SHCBP1: variants seen among roughly 807,000 people sequenced by gnomAD.
SHCBP1 encodes the protein SHC binding and spindle associated 1, also known as SHC SH2 domain-binding protein 1.
SHCBP1 carries 60 observed loss-of-function variants against 75.1 expected under a neutral mutation model. The ratio of observed to expected loss-of-function variants is 0.80; its 90% CI spans 0.65 to 0.99. SHCBP1 has a LOEUF of 0.99. SHCBP1 is among the 50% of genes least tolerant of loss of function. The probability of loss-of-function intolerance (pLI) is 0.00; values close to 1 mark genes in which losing one functional copy is unlikely to be tolerated. For synonymous variants in SHCBP1, 290 were observed against 293.2 expected, an observed-to-expected ratio of 0.99 and a Z score of 0.11; for missense variants, 709 against 809.4, an observed-to-expected ratio of 0.88 and a Z score of 1.50.
At chr16:46,620,858 G>C (rs184272360) in intron 1 of SHCBP1, 2 of 167,406 alleles carry the variant, frequency 1.2e-5, no homozygotes, top group Admixed American at 6.3e-5. Context: ...AAGGGTTCAA[G>C]CTTTTCTCTT....
At chr16:46,598,723 C>T (rs760674725) in intron 9 of SHCBP1, among the ~76,000 whole-genome samples, 1 of 152,200 alleles carries the variant, frequency 6.6e-6, no homozygotes, top group Non-Finnish European at 1.5e-5. Context: ...GCACTGACTT[C>T]TCCTCTCTAA....
intron 4 of SHCBP1, among the ~76,000 whole-genome samples, chr16:46,613,392 G>A (rs1036532739): frequency 2.6e-5 from 4 of 152,162 alleles, no homozygotes; most frequent in African/African-American, 9.7e-5. Context: ...ATCCTTCAGT[G>A]GCTTCCCACT....
intron 2 of SHCBP1, 98 bp from the exon 3 acceptor site, chr16:46,617,847 T>A: frequency 1.1e-6 from 1 of 919,266 alleles, no homozygotes. Context: ...TCTGAGGGAC[T>A]GAAATAGATA....
intron 4 of SHCBP1, among the ~76,000 whole-genome samples, chr16:46,608,804 T>C (rs1965363725): frequency 6.6e-6 from 1 of 152,112 alleles, no homozygotes; most frequent in African/African-American, 2.4e-5. Flanking sequence ...ATTCACCATG[T>C]TGGCCAGGCT....
Position 46,593,883 on chromosome 16 carries a change from G to A in SHCBP1, c.1464+1669C>T, listed in dbSNP as rs537770639. On this transcript the variant is annotated intron_variant, in intron 10 of 12. Coordinates refer to ENST00000303383, the MANE Select transcript of SHCBP1 (RefSeq NM_024745.5). ...CAAAATCTCAGCATGATCTTTCGTG[G>A]ATATAGACAAAATTATTTTAACATT... Among the ~76,000 whole-genome samples the A allele has an allele frequency of 1.1e-3, 172 of 152,260 alleles. 1 individual carries two copies. The highest frequency in any genetic ancestry group is 4.0e-3 in the African/African-American group (166 of 41,554).
rs763257855 is a variant in SHCBP1 at position 46,616,028 on chromosome 16, G to A, written c.514C>T (p.Arg172Trp). 1.3e-5 allele frequency: 21 copies of A among 1,614,168 alleles called. No homozygotes were observed. Among genetic ancestry groups the A allele is most frequent in the Middle Eastern group, 1.6e-4 (1 of 6,062 alleles). Residue 172 changes from arginine (R) to tryptophan (W), a missense_variant, in exon 4 of 13, where the codon CGG (arginine) becomes TGG (tryptophan). Coordinates refer to ENST00000303383, the MANE Select transcript of SHCBP1 (RefSeq NM_024745.5). This position sits in a 1 kb window ranked among gnomAD's most constrained non-coding sequence, Gnocchi z 4.4. ...MKELLDLKEH[R>W]LPLQELWVVF... The stretch of plus-strand genomic sequence containing the variant: ...ACCCACAGCTCCTGCAGGGGCAACC[G>A]ATGCTCCTTCAGATCAAGGAGCTCC...
At chr16:46,599,322 A>C (rs184191340) in intron 9 of SHCBP1, among the ~76,000 whole-genome samples, 14 of 152,284 alleles carry the variant, frequency 9.2e-5, no homozygotes, top group Non-Finnish European at 1.9e-4. Flanking sequence ...TCACTTGAAC[A>C]CATAGATGCC....
In SHCBP1 at chr16:46,598,578, G is replaced by A. The variant is rs562715335; in HGVS notation, c.1345+1253C>T. On this transcript the variant is annotated intron_variant, in intron 9 of 12. Transcript: ENST00000303383. ...TTGTTCCATTTCTAGGGCACAGGCA[G>A]AGTAGATCTGGCATAATTCTTAAGG... Among the ~76,000 whole-genome samples, 5 of 152,288 alleles carry A rather than the reference G, an allele frequency of 3.3e-5. No homozygotes were observed. In the East Asian group the frequency reaches 9.6e-4, roughly 29 times the overall value.
Position 46,603,672 on chromosome 16 carries a change from A to T in SHCBP1, c.1093-13T>A, listed in dbSNP as rs1384245502. 3.7e-6 allele frequency: 6 copies of T among 1,614,096 alleles called. No homozygotes were observed. In the Admixed American group the frequency reaches 1.0e-4, roughly 27 times the overall value. On this transcript the variant is annotated splice_polypyrimidine_tract_variant and intron_variant, in intron 7 of 12. Transcript: ENST00000303383. ...GATCACTATGGAACTAGAAAACAAT[A>T]AGAACACATTTGTAAATATACACTC...
Position 46,580,026 on chromosome 16 carries a change from G to C in SHCBP1, c.*1703C>G, listed in dbSNP as rs1345357013. Reference sequence around the variant, plus strand: ...TATAATCCCAGCTACTCAGGCGACTGAGGCAGGAGAATTGCTTGAATTCAG... The same window carrying C: ...TATAATCCCAGCTACTCAGGCGACTCAGGCAGGAGAATTGCTTGAATTCAG... On this transcript the variant is annotated 3_prime_UTR_variant, in exon 13 of 13. Coordinates refer to ENST00000303383, the MANE Select transcript of SHCBP1 (RefSeq NM_024745.5). Among the ~76,000 whole-genome samples, 2 of 151,698 alleles carry C rather than the reference G, an allele frequency of 1.3e-5. No homozygotes were observed. Among genetic ancestry groups the C allele is most frequent in the Non-Finnish European group, 2.9e-5 (2 of 67,956 alleles).
At chr16:46,603,077 A>T in intron 8 of SHCBP1, among the ~76,000 whole-genome samples, 1 of 152,248 alleles carries the variant, frequency 6.6e-6, no homozygotes, top group Non-Finnish European at 1.5e-5. Flanking sequence ...AATGCCCTTC[A>T]TTATACCTCT....
intron 5 of SHCBP1, 89 bp downstream of exon 5, chr16:46,608,208 T>C (rs748522652): frequency 4.8e-5 from 36 of 757,060 alleles, no homozygotes; most frequent in Non-Finnish European, 7.4e-5. Flanking sequence ...TGTGGGTGTG[T>C]GTGTGTGTGT....
rs1323562930 is a variant in SHCBP1, at chr16:46,616,626, C to T, written c.388-472G>A. On this transcript the variant is annotated intron_variant, in intron 3 of 12. Coordinates refer to ENST00000303383, the MANE Select transcript of SHCBP1 (RefSeq NM_024745.5). This position sits in a 1 kb window ranked among gnomAD's most constrained non-coding sequence, Gnocchi z 4.4. ...CAAGATATGAGGTGAGAAAGAGAGG[C>T]AACGAGACCAGGACATGAAGGACAT... 6.6e-6 allele frequency among the ~76,000 whole-genome samples: 1 copy of T among 151,968 alleles called. No homozygotes were observed. Among genetic ancestry groups the T allele is most frequent in the Non-Finnish European group, 1.5e-5 (1 of 68,010 alleles).
At position 46,616,107 on chromosome 16, in the gene SHCBP1, A is replaced by G; in HGVS notation, c.435T>C (p.Ala145=). Residue 145 remains alanine, a synonymous_variant, in exon 4 of 13, where the codon GCT becomes GCC. Coordinates refer to ENST00000303383, the MANE Select transcript of SHCBP1 (RefSeq NM_024745.5). The surrounding 1 kb of genome is among the most constrained non-coding windows in gnomAD (Gnocchi z 4.4). ...FAALKAVVRL[A]EPYLCDSQVS... Reference sequence around the variant, plus strand: ...CTTGAGAGTCACAGAGGTATGGTTCAGCAAGCCTCACCACTGCCTTCAAGG... The same window carrying G: ...CTTGAGAGTCACAGAGGTATGGTTCGGCAAGCCTCACCACTGCCTTCAAGG... The G allele has an allele frequency of 6.2e-7, 1 of 1,614,226 alleles. No individual in the cohort carries two copies. Among genetic ancestry groups the G allele is most frequent in the African/African-American group, 1.3e-5 (1 of 75,076 alleles).
chr16:46,580,736 G>C lies in SHCBP1; in HGVS notation c.*993C>G, dbSNP rs1964857117. On this transcript the variant is annotated 3_prime_UTR_variant, in exon 13 of 13. Coordinates refer to ENST00000303383, the MANE Select transcript of SHCBP1 (RefSeq NM_024745.5). ...TATAATCAGAATACTGTAACGGTAA[G>C]AGAAAAATACTTTTTTTTTTTTTTG... 6.6e-6 allele frequency: 1 copy of C among 151,476 alleles called. No individual in the cohort carries two copies. The highest frequency in any genetic ancestry group is 2.4e-5 in the African/African-American group (1 of 41,056). The allele number at this position is 151,476 out of a possible 1,614,324, so 9.4% of individuals were successfully genotyped here. A position where few individuals can be genotyped will look rare whatever the true frequency, so the allele number is the denominator to read the frequency against.
rs1241019191 is a variant in SHCBP1, at chr16:46,616,280, T to C, written c.388-126A>G. On this transcript the variant is annotated intron_variant, in intron 3 of 12. Transcript: ENST00000303383. This position sits in a 1 kb window ranked among gnomAD's most constrained non-coding sequence, Gnocchi z 4.4. ...GGGTGGGGAGGCTTTACCCATAATATAAAGGATGAACAAGACAGGCTGCCT... is the reference window on the plus strand; with the variant it reads ...GGGTGGGGAGGCTTTACCCATAATACAAAGGATGAACAAGACAGGCTGCCT... 1.1e-6 allele frequency: 1 copy of C among 892,336 alleles called. No homozygotes were observed. 55.3% of individuals were successfully genotyped at this position (892,336 alleles called of 1,614,324 possible).
intron 9 of SHCBP1, among the ~76,000 whole-genome samples, chr16:46,595,909 T>A (rs923368628): frequency 6.6e-6 from 1 of 152,072 alleles, no homozygotes; most frequent in African/African-American, 2.4e-5. Flanking sequence ...CAAAAGCACT[T>A]TCCATTACCA....
At chr16:46,596,097 A>G (rs984529650) in intron 9 of SHCBP1, among the ~76,000 whole-genome samples, 3 of 152,228 alleles carry the variant, frequency 2.0e-5, no homozygotes, top group African/African-American at 7.2e-5. Context: ...AAGTTTTAAA[A>G]GAAAAAAATC....
chr16:46,589,585 GA>G (rs1414522411), intron 10 of SHCBP1, among the ~76,000 whole-genome samples: 1 of 152,122 alleles, frequency 6.6e-6, no homozygotes, highest in African/African-American at 2.4e-5. Flanking sequence ...TTGCTTCAAA[GA>G]GAATAAAATA....
Sources: gnomAD v4.1 joint callset for allele counts (sites outside exome capture counted in the v4.1 genomes callset) on GRCh38, gnomAD v4.1.1 for gene constraint, Gnocchi (gnomAD v3.1) non-coding constraint, MANE v1.5 for transcripts, NCBI Gene and HGNC (gene_info 2026-07-23, HGNC 2026-07-21) for gene names.